The following PCDHGA7 variants were observed in gnomAD, a reference collection of about 807,000 sequenced individuals.
PCDHGA7 encodes protocadherin gamma-A7.
Under a neutral mutation model 58.3 loss-of-function variants are expected in PCDHGA7, and 44 were observed. The observed-to-expected ratio is 0.75, with a 90% CI of 0.59 to 0.97. The LOEUF (loss-of-function observed/expected upper bound fraction) is 0.97. PCDHGA7 is among the 50% of genes least tolerant of loss of function. PCDHGA7 has a pLI of 0.00. For missense variants in PCDHGA7, 1,266 were observed against 1,188.7 expected (o/e 1.06, Z -0.96); for synonymous variants, 516 against 504.2 (o/e 1.02, Z -0.31).
chr5:141,477,506 G>T lies in PCDHGA7; in HGVS notation c.2425-17301G>T, dbSNP rs766083208. 6.2e-7 allele frequency: 1 copy of T among 1,614,028 alleles called. No homozygotes were observed. The highest frequency in any genetic ancestry group is 8.5e-7 in the Non-Finnish European group (1 of 1,180,016). On this transcript the variant is annotated intron_variant, in intron 1 of 3. Coordinates refer to ENST00000518325, the MANE Select transcript of PCDHGA7 (RefSeq NM_018920.4). This position sits in a 1 kb window ranked among gnomAD's most constrained non-coding sequence, Gnocchi z 4.9. ...ACAATCTTCTCAATCTTCCTACGAC[G>T]TTTACATTGAAGAAAACAACCTCCC...
At chr5:141,448,573 A>AT (rs976781630) in intron 1 of PCDHGA7, among the ~76,000 whole-genome samples, 10 of 151,772 alleles carry the variant, frequency 6.6e-5, no homozygotes, top group East Asian at 5.8e-4. Flanking sequence ...TTATTTCCCC[A>AT]TTTTTTTTAC....
intron 1 of PCDHGA7, among the ~76,000 whole-genome samples, chr5:141,457,046 T>A (rs2098905373): frequency 6.6e-6 from 1 of 152,198 alleles, no homozygotes; most frequent in South Asian, 2.1e-4. Flanking sequence ...ATAGTAAAAC[T>A]TTCATGCTTC....
chr5:141,419,165 A>G, intron 1 of PCDHGA7: 1 of 1,613,978 alleles, frequency 6.2e-7, no homozygotes, highest in Non-Finnish European at 8.5e-7. Flanking sequence ...ATCCTCCAGC[A>G]AAACCATAAC....
Position 141,431,663 on chromosome 5 carries a change from T to G in PCDHGA7, c.2424+46340T>G, listed in dbSNP as rs2097405149. ...ACTAGATTGTAATTCAGGGACAATA[T>G]CAACAATAGGGGAGTTGGACCACGA... On this transcript the variant is annotated intron_variant, in intron 1 of 3. Coordinates refer to ENST00000518325, the MANE Select transcript of PCDHGA7 (RefSeq NM_018920.4). The surrounding 1 kb of genome is among the most constrained non-coding windows in gnomAD (Gnocchi z 4.8). The G allele has an allele frequency of 6.2e-7, 1 of 1,614,168 alleles. No individual in the cohort carries two copies.
At position 141,477,068 on chromosome 5, in the gene PCDHGA7, C is replaced by A; in HGVS notation, c.2425-17739C>A. 6.2e-7 allele frequency: 1 copy of A among 1,614,268 alleles called. No homozygotes were observed. The highest frequency in any genetic ancestry group is 8.5e-7 in the Non-Finnish European group (1 of 1,180,046). On this transcript the variant is annotated intron_variant, in intron 1 of 3. Transcript: ENST00000518325. This position sits in a 1 kb window ranked among gnomAD's most constrained non-coding sequence, Gnocchi z 4.9. ...GCTGGACTTCGAGGACACCAAACTCCATGAGATTTACATCCAGGCCAAAGA... is the reference window on the plus strand; with the variant it reads ...GCTGGACTTCGAGGACACCAAACTCAATGAGATTTACATCCAGGCCAAAGA...
At chr5:141,388,251 A>G in intron 1 of PCDHGA7, 1 of 1,610,692 alleles carries the variant, frequency 6.2e-7, no homozygotes, top group Non-Finnish European at 8.5e-7. Flanking sequence ...GAATGTGGAG[A>G]TCGAGGACAT....
At position 141,385,250 on chromosome 5, in the gene PCDHGA7, G is replaced by A. The variant is rs1448897004; in HGVS notation, c.2351G>A (p.Ser784Asn). The A allele has an allele frequency of 1.2e-6, 2 of 1,613,820 alleles. No individual in the cohort carries two copies. Among genetic ancestry groups the A allele is most frequent in the Admixed American group, 1.7e-5 (1 of 60,024 alleles). The change falls in exon 1 of 4, where the codon AGC becomes AAC. Residue 784 changes from serine to asparagine, a missense_variant. Physicochemically the swap from Ser to Asn is conservative, Grantham distance 46 (BLOSUM62 1). Coordinates refer to ENST00000518325, the MANE Select transcript of PCDHGA7 (RefSeq NM_018920.4). ...GTAGACATGCTCATCAGCCAGGAGA[G>A]CTGTGAGAAAAATGATTCTTTGCTA... ...NYVDMLISQESCEKNDSLLTS... is the reference protein window; with the variant it reads ...NYVDMLISQENCEKNDSLLTS...
In PCDHGA7 at chr5:141,383,369, C is replaced by G; in HGVS notation, c.470C>G (p.Ala157Gly). 6.2e-7 allele frequency: 1 copy of G among 1,613,978 alleles called. No individual in the cohort carries two copies. The highest frequency in any genetic ancestry group is 8.5e-7 in the Non-Finnish European group (1 of 1,179,888). The change falls in exon 1 of 4, where the codon GCT becomes GGT. Residue 157 changes from alanine to glycine, a missense_variant. Physicochemically the swap from Ala to Gly is moderately conservative, Grantham distance 60. Transcript: ENST00000518325. The part of the protein sequence containing the change: ...APGVRFPLSE[A>G]GDPDVGTNSL... ...GGGGTTCGGTTTCCGTTAAGCGAGG[C>G]TGGGGATCCAGATGTGGGCACGAAC...
At chr5:141,492,512 T>A (rs2099741406) in intron 1 of PCDHGA7, among the ~76,000 whole-genome samples, 1 of 152,116 alleles carries the variant, frequency 6.6e-6, no homozygotes, top group Admixed American at 6.5e-5. Flanking sequence ...GAGCCTCCTC[T>A]CACCTCTCCC....
Position 141,485,931 on chromosome 5 carries a change from A to C in PCDHGA7, c.2425-8876A>C, listed in dbSNP as rs761979804. 3 of 1,614,192 alleles carry C rather than the reference A, an allele frequency of 1.9e-6. No individual in the cohort carries two copies. In the South Asian group the frequency reaches 3.3e-5, roughly 18 times the overall value. On this transcript the variant is annotated intron_variant, in intron 1 of 3. Transcript: ENST00000518325. This position sits in a 1 kb window ranked among gnomAD's most constrained non-coding sequence, Gnocchi z 5.7. Reference sequence around the variant, plus strand: ...TCCAGCTACAGGATTAGTGTGTTGGAGAGCGCACCAGCGGGCATGGTGCTC... The same window carrying C: ...TCCAGCTACAGGATTAGTGTGTTGGCGAGCGCACCAGCGGGCATGGTGCTC...
At chr5:141,415,151 C>G in intron 1 of PCDHGA7, 2 of 1,613,814 alleles carry the variant, frequency 1.2e-6, no homozygotes, top group Non-Finnish European at 1.7e-6. Flanking sequence ...CCCCCTCTCT[C>G]CGCCACTGTC....
Position 141,417,741 on chromosome 5 carries a change from A to G in PCDHGA7, c.2424+32418A>G, listed in dbSNP as rs1035037382. ...CTGCGCAGACCTTGCCCAGCACACCAGATTGCCAGCTCCGAGACCCGGGAC... is the reference window on the plus strand; with the variant it reads ...CTGCGCAGACCTTGCCCAGCACACCGGATTGCCAGCTCCGAGACCCGGGAC... On this transcript the variant is annotated intron_variant, in intron 1 of 3. Coordinates refer to ENST00000518325, the MANE Select transcript of PCDHGA7 (RefSeq NM_018920.4). The G allele has an allele frequency of 1.7e-5, 24 of 1,413,756 alleles. No individual in the cohort carries two copies. The African/African-American group carries it at 1.7e-4, about 10-fold the overall frequency. The allele number at this position is 1,413,756 out of a possible 1,614,324, so 87.6% of individuals were successfully genotyped here.
chr5:141,388,434 G>A (rs767784412), intron 1 of PCDHGA7: 3 of 1,613,878 alleles, frequency 1.9e-6, no homozygotes, highest in Non-Finnish European at 2.5e-6. Flanking sequence ...GATAAATAAA[G>A]AGAAATCAGA....
chr5:141,415,740 G>GTTTTTTTTTTTTTTTTTTTTTTTTTT, intron 1 of PCDHGA7: 11 of 617,992 alleles, frequency 1.8e-5, no homozygotes, highest in Middle Eastern at 5.6e-4. Context: ...GTTTATTAAG[G>GTTTTTTTTTTTTTTTTTTTTTTTTTT]TTTTTTTTTT....
intron 1 of PCDHGA7, chr5:141,389,849 T>C (rs773205213): frequency 6.2e-7 from 1 of 1,614,066 alleles, no homozygotes; most frequent in South Asian, 1.1e-5. Context: ...TCTCGGCCAC[T>C]GCCACGTTGC....
intron 1 of PCDHGA7, chr5:141,410,361 G>A: frequency 1.9e-6 from 3 of 1,614,034 alleles, no homozygotes; most frequent in Non-Finnish European, 2.5e-6. Context: ...CGCTCTCTCA[G>A]CCCTGCTACT....
intron 3 of PCDHGA7, 111 bp from the exon 4 acceptor site, chr5:141,510,836 G>C: frequency 6.3e-7 from 1 of 1,584,882 alleles, no homozygotes; most frequent in African/African-American, 1.3e-5. Flanking sequence ...TGCTCAGCGT[G>C]GTCAAGGCCC....
chr5:141,399,510 C>G, intron 1 of PCDHGA7: 1 of 1,614,040 alleles, frequency 6.2e-7, no homozygotes, highest in East Asian at 2.2e-5. Flanking sequence ...CCGAAAACAA[C>G]CCTCCTGGGG....
chr5:141,426,439 G>A, intron 1 of PCDHGA7: 1 of 302,400 alleles, frequency 3.3e-6, no homozygotes, highest in Non-Finnish European at 6.5e-6. Flanking sequence ...GAACCTTGCG[G>A]AGGACATGCG....
Sources: gnomAD v4.1 joint callset for allele counts (sites outside exome capture counted in the v4.1 genomes callset) on GRCh38, gnomAD v4.1.1 for gene constraint, Gnocchi (gnomAD v3.1) non-coding constraint, MANE v1.5 for transcripts, NCBI Gene and HGNC (gene_info 2026-07-23, HGNC 2026-07-21) for gene names.